Variants in MVB12B observed in about 807,000 individuals in gnomAD.
The protein encoded by MVB12B is ESCRT-I complex subunit MVB12B.
Under a neutral mutation model 41.6 loss-of-function variants are expected in MVB12B, and 16 were observed. The ratio of observed to expected loss-of-function variants is 0.38; its 90% CI spans 0.26 to 0.58. The LOEUF (loss-of-function observed/expected upper bound fraction) is 0.58, where lower values mean the gene tolerates loss of function less well. Ranked by LOEUF, MVB12B falls within the 20% of genes least tolerant of loss-of-function variation. The pLI is 0.62. For synonymous variants in MVB12B, 133 were observed against 139.7 expected, an observed-to-expected ratio of 0.95 and a Z score of 0.34; for missense variants, 274 against 380.2, an observed-to-expected ratio of 0.72 and a Z score of 2.32.
chr9:126,487,364 C>T (rs1001813138), intron 9 of MVB12B, among the ~76,000 whole-genome samples: 1 of 152,210 alleles, frequency 6.6e-6, no homozygotes, highest in African/African-American at 2.4e-5. Context: ...GGCACAGGCC[C>T]ACCCATTCCA....
At chr9:126,441,963 G>T (rs2119140388) in intron 7 of MVB12B, among the ~76,000 whole-genome samples, 1 of 152,274 alleles carries the variant, frequency 6.6e-6, no homozygotes, top group African/African-American at 2.4e-5. Flanking sequence ...TATTTAGGTG[G>T]TCAGGGTGGA....
rs1344632440 is a variant in MVB12B at position 126,395,309 on chromosome 9, A to C, written c.540-266A>C. ...AGAAGTTTGGAGAAGCAAGGAAAGT[A>C]CCAGTTGGAGTAGGAAGGCAAGCTT... On this transcript the variant is annotated intron_variant, in intron 5 of 9. Transcript: ENST00000361171. This position sits in a 1 kb window ranked among gnomAD's most constrained non-coding sequence, Gnocchi z 4.9. Among the ~76,000 whole-genome samples, 1 of 152,220 alleles carries C rather than the reference A, an allele frequency of 6.6e-6. No homozygotes were observed. Among genetic ancestry groups the C allele is most frequent in the Non-Finnish European group, 1.5e-5 (1 of 68,050 alleles).
At chr9:126,396,043 C>T (rs1831104624) in intron 6 of MVB12B, 1 of 1,048,494 alleles carries the variant, frequency 9.5e-7, no homozygotes, top group Non-Finnish European at 1.2e-6. Context: ...GGTCAAATTC[C>T]TTCTCTGTCT....
At chr9:126,370,520 T>C (rs1830307385) in intron 2 of MVB12B, among the ~76,000 whole-genome samples, 1 of 151,756 alleles carries the variant, frequency 6.6e-6, no homozygotes, top group African/African-American at 2.4e-5. Context: ...TAGCTGGGAT[T>C]GCAGGCGCCC....
rs1433703945 is a variant in MVB12B at position 126,407,325 on chromosome 9, C to G, written c.662+11628C>G. Among the ~76,000 whole-genome samples the G allele has an allele frequency of 2.0e-5, 3 of 152,176 alleles. No homozygotes were observed. The East Asian group carries it at 5.8e-4, about 29-fold the overall frequency. Reference sequence around the variant, plus strand: ...AGGTAGCTGTGGTCACTGCCTTGTACAACAGCCAAAAGCCCAAAGCAGGAG... The same window carrying G: ...AGGTAGCTGTGGTCACTGCCTTGTAGAACAGCCAAAAGCCCAAAGCAGGAG... On this transcript the variant is annotated intron_variant, in intron 6 of 9. Coordinates refer to ENST00000361171, the MANE Select transcript of MVB12B (RefSeq NM_033446.3).
At position 126,505,458 on chromosome 9, in the gene MVB12B, G is replaced by A. The variant is rs1173451790; in HGVS notation, c.*2195G>A. On this transcript the variant is annotated 3_prime_UTR_variant, in exon 10 of 10. Transcript: ENST00000361171. ...GAGGACAAACTGCATGGACTCAAGC[G>A]AGCTGGAGCCATCTTCTCCATAGCA... 3 of 152,268 alleles carry A rather than the reference G, an allele frequency of 2.0e-5. No individual in the cohort carries two copies. Among genetic ancestry groups the A allele is most frequent in the East Asian group, 1.9e-4 (1 of 5,198 alleles). 9.4% of individuals were successfully genotyped at this position (152,268 alleles called of 1,614,324 possible).
intron 7 of MVB12B, among the ~76,000 whole-genome samples, chr9:126,425,762 C>T (rs1832158609): frequency 6.6e-6 from 1 of 152,210 alleles, no homozygotes; most frequent in Non-Finnish European, 1.5e-5. Context: ...GCTCCAGCCA[C>T]CTCCCTGCCT....
chr9:126,462,041 C>T (rs867808593), intron 7 of MVB12B, among the ~76,000 whole-genome samples: 2 of 152,190 alleles, frequency 1.3e-5, no homozygotes, highest in African/African-American at 2.4e-5. Flanking sequence ...CACACAGGAT[C>T]GTTTTAAAAT....
intron 9 of MVB12B, among the ~76,000 whole-genome samples, chr9:126,499,162 CCTCA>C (rs757107231): frequency 3.9e-5 from 6 of 152,284 alleles, no homozygotes; most frequent in South Asian, 2.1e-4. Context: ...AGGACACTGA[CCTCA>C]CTATGAGAAA....
intron 2 of MVB12B, among the ~76,000 whole-genome samples, chr9:126,366,200 C>CA (rs920552891): frequency 1.3e-5 from 2 of 152,004 alleles, no homozygotes; most frequent in African/African-American, 2.4e-5. Context: ...CCCTACTCCC[C>CA]AAAATCGTCC....
At chr9:126,410,197 A>C (rs1270670544) in intron 6 of MVB12B, among the ~76,000 whole-genome samples, 1 of 150,418 alleles carries the variant, frequency 6.6e-6, no homozygotes, top group Middle Eastern at 3.2e-3. Context: ...GCATGCATGC[A>C]TGTGTGTATG....
intron 7 of MVB12B, among the ~76,000 whole-genome samples, chr9:126,434,307 C>G (rs1420273512): frequency 6.6e-6 from 1 of 152,084 alleles, no homozygotes; most frequent in East Asian, 1.9e-4. Context: ...ATCACCTATC[C>G]CAGAGAATAA....
intron 2 of MVB12B, among the ~76,000 whole-genome samples, chr9:126,362,603 G>A (rs891573261): frequency 1.3e-5 from 2 of 152,132 alleles, no homozygotes; most frequent in Admixed American, 6.5e-5. Flanking sequence ...CTGTATCCAA[G>A]GAAGAAATTG....
rs193264508 is a variant in MVB12B at position 126,351,641 on chromosome 9, C to T, written c.204+11011C>T. Among the ~76,000 whole-genome samples the T allele has an allele frequency of 2.7e-3, 418 of 152,218 alleles. 3 individuals carry two copies. The highest frequency in any genetic ancestry group is 3.4e-3 in the Middle Eastern group (1 of 294). ...GTAGCTGCGATTAACAGGCATGTGC[C>T]ACCATGCCCAGCTAATTTTTGTACT... On this transcript the variant is annotated intron_variant, in intron 2 of 9. Coordinates refer to ENST00000361171, the MANE Select transcript of MVB12B (RefSeq NM_033446.3).
At chr9:126,380,526 G>A (rs1453586067) in intron 2 of MVB12B, among the ~76,000 whole-genome samples, 1 of 152,174 alleles carries the variant, frequency 6.6e-6, no homozygotes, top group Non-Finnish European at 1.5e-5. Context: ...CCCACTGTCA[G>A]GGCTTGTACC....
At chr9:126,327,596 A>T (rs1179922544) in intron 1 of MVB12B, among the ~76,000 whole-genome samples, 2 of 151,942 alleles carry the variant, frequency 1.3e-5, no homozygotes, top group Non-Finnish European at 2.9e-5. Context: ...CCCTACAGTG[A>T]CTCCAACACC....
At chr9:126,358,345 A>T (rs1291715952) in intron 2 of MVB12B, among the ~76,000 whole-genome samples, 1 of 152,166 alleles carries the variant, frequency 6.6e-6, no homozygotes, top group Non-Finnish European at 1.5e-5. Flanking sequence ...TTACAAAAAA[A>T]AAAAGCCTTC....
chr9:126,355,970 A>G (rs1384325459), intron 2 of MVB12B, among the ~76,000 whole-genome samples: 1 of 152,176 alleles, frequency 6.6e-6, no homozygotes, highest in Non-Finnish European at 1.5e-5. Flanking sequence ...TCCTCTGGCA[A>G]CCACCAATCT....
At chr9:126,464,132 T>C (rs1833145194) in intron 7 of MVB12B, among the ~76,000 whole-genome samples, 1 of 152,134 alleles carries the variant, frequency 6.6e-6, no homozygotes. Flanking sequence ...GGGACCATGG[T>C]TCCCTCATGG....
Sources: gnomAD v4.1 joint callset for allele counts (sites outside exome capture counted in the v4.1 genomes callset) on GRCh38, gnomAD v4.1.1 for gene constraint, Gnocchi (gnomAD v3.1) non-coding constraint, MANE v1.5 for transcripts, NCBI Gene and HGNC (gene_info 2026-07-23, HGNC 2026-07-21) for gene names.